The following TANGO6 variants were observed in gnomAD, a reference collection of about 807,000 sequenced individuals.
The protein encoded by TANGO6 is transport and golgi organization 6 homolog.
TANGO6 carries 90 observed loss-of-function variants against 114.2 expected under a neutral mutation model. The observed-to-expected ratio is 0.79, with a 90% CI of 0.66 to 0.94. TANGO6 has a LOEUF of 0.94. Among genes scored for constraint, TANGO6 ranks in the 40% least tolerant of loss-of-function variants. The pLI is 0.00. For synonymous variants in TANGO6, 477 were observed against 509.8 expected, an observed-to-expected ratio of 0.94 and a Z score of 0.87; for missense variants, 1,274 against 1,315.3, an observed-to-expected ratio of 0.97 and a Z score of 0.49.
chr16:68,847,440 C>T (rs1961830412), intron 1 of TANGO6, among the ~76,000 whole-genome samples: 1 of 152,196 alleles, frequency 6.6e-6, no homozygotes, highest in South Asian at 2.1e-4. Flanking sequence ...TTTTCATCAC[C>T]AGTAGAGGGC....
chr16:69,063,222 G>GAA (rs35318231), intron 17 of TANGO6, among the ~76,000 whole-genome samples: 2 of 134,824 alleles, frequency 1.5e-5, no homozygotes, highest in Admixed American at 7.4e-5. Flanking sequence ...GACTTCGTCT[G>GAA]AAAAAAAAAA....
intron 14 of TANGO6, among the ~76,000 whole-genome samples, chr16:68,935,436 C>T (rs1191570171): frequency 6.6e-6 from 1 of 152,132 alleles, no homozygotes; most frequent in Admixed American, 6.6e-5. Flanking sequence ...GTTCATTCAA[C>T]GGCTATATAT....
intron 9 of TANGO6, among the ~76,000 whole-genome samples, chr16:68,902,827 A>G (rs1183393879): frequency 6.6e-6 from 1 of 152,086 alleles, no homozygotes; most frequent in Non-Finnish European, 1.5e-5. Flanking sequence ...TAATAATCCA[A>G]TTATCTTTCT....
At chr16:69,082,739 G>A (rs868375816) in intron 17 of TANGO6, among the ~76,000 whole-genome samples, 86 of 151,206 alleles carry the variant, frequency 5.7e-4, no homozygotes, top group African/African-American at 2.1e-3. Context: ...GTGAGACTCC[G>A]TCTCAAAAAA....
In TANGO6 at chr16:68,878,198, G is replaced by T; in HGVS notation, c.1212G>T (p.Leu404Phe). The stretch of plus-strand genomic sequence containing the variant: ...TTGCCACCACTACCTTTATAACTTT[G>T]TCAAGAGAACGCCCACATTTGGCAG... ...QRVATTTFIT[L>F]SRERPHLAAK... The change falls in exon 6 of 18, where the codon TTG (leucine) becomes TTT (phenylalanine). Residue 404 changes from leucine to phenylalanine, a missense_variant. By Grantham distance (22) the Leu-to-Phe change is conservative (BLOSUM62 0). This residue lies in a region of TANGO6 where 908 missense variants were observed against 910.2 expected (regional missense o/e 1.00). Transcript: ENST00000261778. The T allele has an allele frequency of 1.2e-6, 2 of 1,613,246 alleles. No homozygotes were observed. The highest frequency in any genetic ancestry group is 1.7e-6 in the Non-Finnish European group (2 of 1,179,630).
At chr16:69,058,044 T>G (rs1829806685) in intron 17 of TANGO6, among the ~76,000 whole-genome samples, 1 of 152,178 alleles carries the variant, frequency 6.6e-6, no homozygotes. Flanking sequence ...TTTTCCTCCT[T>G]GTCTACAACC....
chr16:69,041,506 C>G (rs1597068901), intron 17 of TANGO6, among the ~76,000 whole-genome samples: 2 of 151,946 alleles, frequency 1.3e-5, no homozygotes, highest in East Asian at 1.9e-4. Context: ...TTTATTCATC[C>G]TAGAATGTTA....
At chr16:68,988,692 C>CTTTTTTTTTTTT (rs397855895) in intron 15 of TANGO6, among the ~76,000 whole-genome samples, 1 of 112,490 alleles carries the variant, frequency 8.9e-6, no homozygotes, top group African/African-American at 3.6e-5. Flanking sequence ...TTCTCTCTCT[C>CTTTTTTTTTTTT]TTTTTTTTTT....
chr16:68,914,593 T>C (rs56842174), intron 11 of TANGO6, among the ~76,000 whole-genome samples: 7,571 of 152,284 alleles, frequency 0.05, 226 homozygotes, highest in Non-Finnish European at 0.07. Flanking sequence ...TTCAGGAATA[T>C]TTGGCTTTTA....
Position 68,908,187 on chromosome 16 carries a change from T to A in TANGO6, c.1800+612T>A, listed in dbSNP as rs147443031. Among the ~76,000 whole-genome samples, 251 of 152,268 alleles carry A rather than the reference T, an allele frequency of 1.6e-3. 1 individual carries two copies. The highest frequency in any genetic ancestry group is 5.5e-3 in the African/African-American group (229 of 41,534). ...TCAACTTCTTCCCCTAAGTAAAGTGTCTACTCTAAAAGAACTCTAAGAGAG... is the reference window on the plus strand; with the variant it reads ...TCAACTTCTTCCCCTAAGTAAAGTGACTACTCTAAAAGAACTCTAAGAGAG... On this transcript the variant is annotated intron_variant, in intron 10 of 17. Coordinates refer to ENST00000261778, the MANE Select transcript of TANGO6 (RefSeq NM_024562.2).
chr16:68,991,904 G>C (rs1420949816), intron 15 of TANGO6, among the ~76,000 whole-genome samples: 1 of 152,170 alleles, frequency 6.6e-6, no homozygotes, highest in East Asian at 1.9e-4. Flanking sequence ...TTGACACAAA[G>C]AGATGAGGAT....
intron 7 of TANGO6, among the ~76,000 whole-genome samples, chr16:68,897,682 G>A (rs946340765): frequency 2.0e-5 from 3 of 151,580 alleles, no homozygotes; most frequent in South Asian, 4.1e-4. Context: ...GGGTTCAAGC[G>A]ATTCTCCTGC....
intron 17 of TANGO6, among the ~76,000 whole-genome samples, chr16:69,062,179 C>A (rs1386560121): frequency 6.6e-6 from 1 of 152,136 alleles, no homozygotes; most frequent in African/African-American, 2.4e-5. Flanking sequence ...GACCGCCTGC[C>A]TTCTGGAAAA....
chr16:69,054,849 G>A (rs1185783271), intron 17 of TANGO6, among the ~76,000 whole-genome samples: 1 of 150,014 alleles, frequency 6.7e-6, no homozygotes, highest in Admixed American at 6.7e-5. Context: ...CCTGAGGCAG[G>A]AGAATGGCGT....
intron 7 of TANGO6, among the ~76,000 whole-genome samples, chr16:68,883,736 T>A (rs1409193782): frequency 6.6e-6 from 1 of 152,208 alleles, no homozygotes; most frequent in African/African-American, 2.4e-5. Flanking sequence ...ACTTCTGGAC[T>A]GTTGTCCAAA....
chr16:68,853,848 T>A (rs1163968815), intron 1 of TANGO6, among the ~76,000 whole-genome samples: 1 of 152,180 alleles, frequency 6.6e-6, no homozygotes, highest in African/African-American at 2.4e-5. Context: ...GGTATCTCAT[T>A]GTGGTTTTAA....
At position 68,850,727 on chromosome 16, in the gene TANGO6, T is replaced by C. The variant is rs117213184; in HGVS notation, c.94+7016T>C. ...TGTCACTGTATCTCAAAAGCAGCCA[T>C]AGACTATATGTAAATGGGCATAACT... is the stretch of plus-strand genomic sequence containing the variant. On this transcript the variant is annotated intron_variant, in intron 1 of 17. Transcript: ENST00000261778. Among the ~76,000 whole-genome samples the C allele has an allele frequency of 1.3e-4, 20 of 152,348 alleles. No individual in the cohort carries two copies. The East Asian group carries it at 3.9e-3, about 29-fold the overall frequency.
At chr16:68,997,188 GC>G (rs774404852) in intron 15 of TANGO6, among the ~76,000 whole-genome samples, 2 of 152,180 alleles carry the variant, frequency 1.3e-5, no homozygotes, top group Non-Finnish European at 2.9e-5. Context: ...AGCCTAGGCG[GC>G]CATGAGGGTT....
chr16:69,073,781 C>A (rs1960331429), intron 17 of TANGO6, among the ~76,000 whole-genome samples: 1 of 152,164 alleles, frequency 6.6e-6, no homozygotes, highest in Non-Finnish European at 1.5e-5. Context: ...ATGGTGAAAC[C>A]CAGTCTCTAC....
Sources: allele counts gnomAD v4.1 joint callset (sites outside exome capture counted in the v4.1 genomes callset), GRCh38; gene constraint gnomAD v4.1.1; regional missense constraint gnomAD v4.1.1; transcripts MANE v1.5; gene names NCBI Gene and HGNC (gene_info 2026-07-23, HGNC 2026-07-21).